The following ROBO2 variants were observed in gnomAD, a reference collection of about 807,000 sequenced individuals.
ROBO2 encodes roundabout homolog 2.
Under a neutral mutation model 160.8 loss-of-function variants are expected in ROBO2, and 53 were observed. That is an observed-to-expected ratio of 0.33 (90% CI 0.26 to 0.41). ROBO2 has a LOEUF of 0.41. Ranked by LOEUF, ROBO2 falls within the 10% of genes least tolerant of loss-of-function variation. The probability of loss-of-function intolerance (pLI) is 1.00; values close to 1 mark genes in which losing one functional copy is unlikely to be tolerated. For synonymous variants in ROBO2, 664 were observed against 611.7 expected, an observed-to-expected ratio of 1.09 and a Z score of -1.26; for missense variants, 1,577 against 1,722.4, an observed-to-expected ratio of 0.92 and a Z score of 1.49.
chr3:76,182,837 G>A (rs1018414593), intron 2 of ROBO2, among the ~76,000 whole-genome samples: 33 of 152,174 alleles, frequency 2.2e-4, no homozygotes, highest in Middle Eastern at 3.4e-3. Context: ...GTGGTTTTAC[G>A]TTTTCAATTA....
intron 2 of ROBO2, among the ~76,000 whole-genome samples, chr3:76,580,570 G>C (rs925362282): frequency 2.6e-4 from 40 of 151,968 alleles, no homozygotes; most frequent in African/African-American, 8.4e-4. Flanking sequence ...CAGTAAGAAA[G>C]AATCTGGGAG....
rs544393527 is a variant in ROBO2 at position 77,564,537 on chromosome 3, A to G, written c.1683-417A>G. ...CCTTGTAACAGGAAAATGTATTGGC[A>G]TAATTTACTCTGTAGTCCATTTATT... On this transcript the variant is annotated intron_variant, in intron 11 of 25. Coordinates refer to ENST00000461745, the Ensembl canonical transcript of ROBO2. The G allele has an allele frequency of 8.8e-4, 400 of 452,274 alleles. 2 individuals carry two copies. The highest frequency in any genetic ancestry group is 6.2e-4 in the Non-Finnish European group (140 of 226,494). 28.0% of individuals were successfully genotyped at this position (452,274 alleles called of 1,614,324 possible).
At chr3:76,098,934 T>C (rs2069568954) in intron 2 of ROBO2, among the ~76,000 whole-genome samples, 1 of 152,180 alleles carries the variant, frequency 6.6e-6, no homozygotes, top group South Asian at 2.1e-4. Context: ...AAGCATTAAT[T>C]TCCTCCTGCT....
intron 2 of ROBO2, among the ~76,000 whole-genome samples, chr3:76,033,379 C>T (rs2066992950): frequency 6.6e-6 from 1 of 152,048 alleles, no homozygotes; most frequent in African/African-American, 2.4e-5. Context: ...TACTAAAAGG[C>T]CTAGGGTCAC....
At chr3:77,285,021 G>A (rs959343163) in intron 2 of ROBO2, among the ~76,000 whole-genome samples, 3 of 152,080 alleles carry the variant, frequency 2.0e-5, no homozygotes, top group Non-Finnish European at 2.9e-5. Flanking sequence ...GGCTAATGAG[G>A]GAAAGAAGCC....
intron 2 of ROBO2, among the ~76,000 whole-genome samples, chr3:76,957,252 T>C (rs945177867): frequency 6.6e-6 from 1 of 152,094 alleles, no homozygotes; most frequent in Non-Finnish European, 1.5e-5. Flanking sequence ...CAATAGTCTC[T>C]TGTTAACAAA....
At chr3:75,961,224 C>T (rs937228696) in intron 2 of ROBO2, among the ~76,000 whole-genome samples, 4 of 151,424 alleles carry the variant, frequency 2.6e-5, no homozygotes, top group African/African-American at 9.7e-5. Flanking sequence ...TCAAAAATTT[C>T]AAATGTAGTT....
chr3:76,768,588 C>G (rs2061698993), intron 2 of ROBO2, among the ~76,000 whole-genome samples: 1 of 150,956 alleles, frequency 6.6e-6, no homozygotes, highest in Non-Finnish European at 1.5e-5. Context: ...GTAAAAATCA[C>G]TTTCCATTTG....
intron 2 of ROBO2, among the ~76,000 whole-genome samples, chr3:77,334,746 A>ATG (rs1284278653): frequency 2.0e-5 from 3 of 151,942 alleles, no homozygotes; most frequent in Non-Finnish European, 4.4e-5. Flanking sequence ...GTATATATAT[A>ATG]TATAGTGGGT....
At chr3:76,437,161 T>C (rs2076718136) in intron 2 of ROBO2, among the ~76,000 whole-genome samples, 1 of 152,146 alleles carries the variant, frequency 6.6e-6, no homozygotes. Context: ...CTTTTGAAAC[T>C]TTAATTAACA....
chr3:76,906,781 C>T lies in ROBO2; in HGVS notation c.110-191233C>T, dbSNP rs1035441660. ...CTATTATTATAATTTCTTAAATGTC[C>T]ATCCCTTTTCTCCAATATGTTATAG... On this transcript the variant is annotated intron_variant, in intron 2 of 26. Coordinates refer to the ROBO2 transcript ENST00000487694. 5.3e-5 allele frequency among the ~76,000 whole-genome samples: 8 copies of T among 152,130 alleles called. No individual in the cohort carries two copies. In the South Asian group the frequency reaches 1.7e-3, roughly 32 times the overall value.
chr3:76,693,016 A>G (rs1337166097), intron 2 of ROBO2, among the ~76,000 whole-genome samples: 1 of 147,274 alleles, frequency 6.8e-6, no homozygotes, highest in Non-Finnish European at 1.5e-5. Flanking sequence ...GTATATACAC[A>G]TATGTGTATA....
At chr3:76,693,475 G>T (rs954315097) in intron 2 of ROBO2, among the ~76,000 whole-genome samples, 3 of 97,492 alleles carry the variant, frequency 3.1e-5, no homozygotes, top group African/African-American at 6.0e-5. Flanking sequence ...TATATGTATT[G>T]TGTGTGTGTG....
intron 2 of ROBO2, among the ~76,000 whole-genome samples, chr3:77,428,599 A>C (rs1398817071): frequency 2.7e-5 from 4 of 145,602 alleles, no homozygotes; most frequent in Admixed American, 6.8e-5. Context: ...CTCATGATCC[A>C]CCCGCCTCGG....
At chr3:77,584,890 G>A (rs1471084426) in intron 16 of ROBO2, among the ~76,000 whole-genome samples, 1 of 72,880 alleles carries the variant, frequency 1.4e-5, no homozygotes, top group Non-Finnish European at 2.7e-5. Context: ...ATATATATAT[G>A]TATGTGTGTG....
rs2093875856 is a variant in ROBO2, at chr3:76,745,784, T to A, written c.110-352230T>A. 2.8e-5 allele frequency among the ~76,000 whole-genome samples: 4 copies of A among 144,694 alleles called. No homozygotes were observed. The South Asian group carries it at 6.7e-4, about 24-fold the overall frequency. The allele number at this position is 144,694 out of a possible 152,430, so 94.9% of individuals were successfully genotyped here. A position where few individuals can be genotyped will look rare whatever the true frequency, so the allele number is the denominator to read the frequency against. Reference sequence around the variant, plus strand: ...TCTTCTAAAAATACTCAAATAATTTTTTTAAAAAATTTATTTTTATTTATT... The same window carrying A: ...TCTTCTAAAAATACTCAAATAATTTATTTAAAAAATTTATTTTTATTTATT... On this transcript the variant is annotated intron_variant, in intron 2 of 26. Transcript: ENST00000487694.
chr3:76,025,653 A>T (rs2066717871), intron 2 of ROBO2, among the ~76,000 whole-genome samples: 1 of 151,796 alleles, frequency 6.6e-6, no homozygotes, highest in South Asian at 2.1e-4. Context: ...TCATGGAATT[A>T]GTAGTTGTTG....
intron 1 of ROBO2, among the ~76,000 whole-genome samples, chr3:77,061,404 AT>A (rs2066287438): frequency 6.6e-6 from 1 of 152,104 alleles, no homozygotes; most frequent in African/African-American, 2.4e-5. Context: ...CTTTTTTAAA[AT>A]TTTTAACTTT....
intron 2 of ROBO2, among the ~76,000 whole-genome samples, chr3:76,407,210 C>T (rs1014076561): frequency 6.6e-5 from 10 of 151,934 alleles, no homozygotes; most frequent in African/African-American, 1.9e-4. Flanking sequence ...TTACATTTTA[C>T]GTAGAGAGAC....
Sources: allele counts gnomAD v4.1 joint callset (sites outside exome capture counted in the v4.1 genomes callset), GRCh38; gene constraint gnomAD v4.1.1; transcripts MANE v1.5; gene names NCBI Gene and HGNC (gene_info 2026-07-23, HGNC 2026-07-21).